SHB: variants seen among roughly 807,000 people sequenced by gnomAD.
SHB encodes SH2 domain containing adaptor protein B.
A neutral mutation model predicts 52.3 loss-of-function variants in SHB; 20 were observed. That is an observed-to-expected ratio of 0.38 (90% CI 0.27 to 0.56). SHB has a LOEUF of 0.56. Ranked by LOEUF, SHB falls within the 20% of genes least tolerant of loss-of-function variation. The pLI is 0.71. For synonymous variants in SHB, 397 were observed against 316.5 expected, an observed-to-expected ratio of 1.25 and a Z score of -2.70; for missense variants, 825 against 723.3, an observed-to-expected ratio of 1.14 and a Z score of -1.61.
At chr9:37,972,130 A>AGG (rs1820597406) in intron 3 of SHB, among the ~76,000 whole-genome samples, 1 of 152,174 alleles carries the variant, frequency 6.6e-6, no homozygotes, top group Non-Finnish European at 1.5e-5. Flanking sequence ...GGGTCAGTCC[A>AGG]GGGGAGGGTG....
intron 2 of SHB, among the ~76,000 whole-genome samples, chr9:38,005,721 T>C (rs999423445): frequency 3.3e-5 from 5 of 152,210 alleles, no homozygotes; most frequent in African/African-American, 1.2e-4. Flanking sequence ...GCCTGAGCCC[T>C]ACTTAGAGGA....
intron 1 of SHB, 112 bp downstream of exon 1, chr9:38,067,817 G>C: frequency 1.7e-6 from 2 of 1,186,728 alleles, no homozygotes; most frequent in Non-Finnish European, 2.2e-6. Flanking sequence ...CCCGACCCAG[G>C]GTCCTAGGCC....
rs200196353 is a variant in SHB, at chr9:38,052,203, C to T, written c.717+15726G>A. ...CTGTCCACCCCCAGAACACACACAG[C>T]CCCCTCCCCATCTCCTTAGTCCCCC... On this transcript the variant is annotated intron_variant, in intron 1 of 5. Transcript: ENST00000377707. Among the ~76,000 whole-genome samples the T allele has an allele frequency of 1.2e-4, 18 of 152,076 alleles. No homozygotes were observed. The East Asian group carries it at 2.7e-3, about 23-fold the overall frequency.
At chr9:37,983,190 T>C (rs893325891) in intron 2 of SHB, among the ~76,000 whole-genome samples, 2 of 152,126 alleles carry the variant, frequency 1.3e-5, no homozygotes, top group Non-Finnish European at 2.9e-5. Flanking sequence ...ATCTGATAAC[T>C]AAGAGACAGG....
chr9:38,018,115 A>T (rs552948441), intron 1 of SHB, among the ~76,000 whole-genome samples: 1 of 152,050 alleles, frequency 6.6e-6, no homozygotes, highest in South Asian at 2.1e-4. Context: ...AAGGGAAAAA[A>T]TGTCTCCCCT....
chr9:37,972,500 C>T (rs528538913), intron 3 of SHB, among the ~76,000 whole-genome samples: 34 of 152,334 alleles, frequency 2.2e-4, no homozygotes, highest in African/African-American at 8.2e-4. Flanking sequence ...CACAGCCTGG[C>T]AGGCAAGACC....
At chr9:38,003,648 G>C (rs1821045744) in intron 2 of SHB, among the ~76,000 whole-genome samples, 1 of 152,188 alleles carries the variant, frequency 6.6e-6, no homozygotes. Context: ...TGAAGGGGAG[G>C]ACAGGAGCAT....
At chr9:38,014,518 A>G (rs1821185215) in intron 2 of SHB, among the ~76,000 whole-genome samples, 1 of 152,242 alleles carries the variant, frequency 6.6e-6, no homozygotes, top group South Asian at 2.1e-4. Flanking sequence ...ACTGGAGGAC[A>G]GCAGGCTGCC....
At chr9:37,942,874 G>A (rs1452333549) in intron 5 of SHB, among the ~76,000 whole-genome samples, 1 of 152,172 alleles carries the variant, frequency 6.6e-6, no homozygotes, top group East Asian at 1.9e-4. Context: ...GCCAGTTCAC[G>A]TGGCATGTGT....
chr9:37,931,008 A>G (rs1358588420), intron 5 of SHB, among the ~76,000 whole-genome samples: 1 of 152,222 alleles, frequency 6.6e-6, no homozygotes, highest in African/African-American at 2.4e-5. Context: ...AAGAAGACAC[A>G]ATGGAGAAAA....
chr9:38,023,151 G>A (rs1216631748), intron 1 of SHB, among the ~76,000 whole-genome samples: 4 of 152,206 alleles, frequency 2.6e-5, no homozygotes, highest in Admixed American at 6.5e-5. Flanking sequence ...GCAGCTGCCC[G>A]AGGCTATGTA....
chr9:37,932,261 G>A (rs865791359), intron 5 of SHB, among the ~76,000 whole-genome samples: 3 of 102,192 alleles, frequency 2.9e-5, no homozygotes, highest in South Asian at 3.4e-4. Context: ...TAACAAGAGC[G>A]AAACTCCATC....
At chr9:38,041,173 C>T (rs914093776) in intron 1 of SHB, among the ~76,000 whole-genome samples, 3 of 152,172 alleles carry the variant, frequency 2.0e-5, no homozygotes, top group African/African-American at 7.2e-5. Context: ...CTGAAACAAG[C>T]CTTTCCCCTT....
intron 3 of SHB, among the ~76,000 whole-genome samples, chr9:37,965,050 T>C (rs1220332794): frequency 6.6e-6 from 1 of 152,230 alleles, no homozygotes; most frequent in Non-Finnish European, 1.5e-5. Flanking sequence ...AGTGACTTTT[T>C]CCCCATCCAC....
intron 2 of SHB, among the ~76,000 whole-genome samples, chr9:38,010,552 C>T (rs540694065): frequency 6.6e-5 from 10 of 152,308 alleles, no homozygotes; most frequent in African/African-American, 1.9e-4. Flanking sequence ...GCTTTTCCCT[C>T]GGCCTGGGAT....
chr9:37,923,441 T>C (rs752621845), intron 5 of SHB, among the ~76,000 whole-genome samples: 4 of 152,136 alleles, frequency 2.6e-5, no homozygotes, highest in African/African-American at 4.8e-5. Context: ...GGCAGGGTGG[T>C]GACCGCCCCC....
At chr9:37,955,661 T>C (rs13288736) in intron 4 of SHB, among the ~76,000 whole-genome samples, 7 of 145,338 alleles carry the variant, frequency 4.8e-5, no homozygotes, top group South Asian at 2.2e-4. Context: ...TATTTTTTTT[T>C]CTTTTTTTTG....
chr9:37,931,378 C>T (rs1832309225), intron 5 of SHB, among the ~76,000 whole-genome samples: 1 of 152,152 alleles, frequency 6.6e-6, no homozygotes, highest in Non-Finnish European at 1.5e-5. Flanking sequence ...AAAGGACTCA[C>T]ATAACTCCAT....
chr9:37,988,888 TC>T (rs1216657424), intron 2 of SHB, among the ~76,000 whole-genome samples: 1 of 152,216 alleles, frequency 6.6e-6, no homozygotes, highest in African/African-American at 2.4e-5. Context: ...TTAGCCTTTT[TC>T]CTGCCTTCAG....
Sources: gnomAD v4.1 joint callset for allele counts (sites outside exome capture counted in the v4.1 genomes callset) on GRCh38, gnomAD v4.1.1 for gene constraint, MANE v1.5 for transcripts, NCBI Gene and HGNC (gene_info 2026-07-23, HGNC 2026-07-21) for gene names.